Variants in BLTP3A observed in about 807,000 individuals in gnomAD.
BLTP3A encodes ICBP90 binding protein 1.
the BLTP3A span, among the ~76,000 whole-genome samples, chr6:34,799,825 A>G: frequency 4.6e-5 from 7 of 152,214 alleles, no homozygotes; most frequent in African/African-American, 1.2e-4. Flanking sequence ...AAAGTATTCC[A>G]TAAACAATAA....
At chr6:34,810,930 A>G in the BLTP3A span, among the ~76,000 whole-genome samples, 3 of 152,246 alleles carry the variant, frequency 2.0e-5, no homozygotes, top group Non-Finnish European at 4.4e-5. Context: ...ATAGACTAGT[A>G]TCTACATATA....
chr6:34,866,724 T>G, the BLTP3A span, among the ~76,000 whole-genome samples: 4 of 152,216 alleles, frequency 2.6e-5, no homozygotes, highest in Non-Finnish European at 5.9e-5. Flanking sequence ...CTGTACTCAT[T>G]AAACAGTAAC....
chr6:34,857,807 T>C, the BLTP3A span: 2 of 1,614,204 alleles, frequency 1.2e-6, no homozygotes, highest in Non-Finnish European at 1.7e-6. Flanking sequence ...AAACCTCTTT[T>C]GCCTGGATTT....
At chr6:34,846,565 G>A in the BLTP3A span, among the ~76,000 whole-genome samples, 2 of 152,040 alleles carry the variant, frequency 1.3e-5, no homozygotes, top group Admixed American at 1.3e-4. Flanking sequence ...TTTTCAGATT[G>A]TTTGCTGTTG....
At chr6:34,823,690 A>C in the BLTP3A span, among the ~76,000 whole-genome samples, 10 of 150,244 alleles carry the variant, frequency 6.7e-5, no homozygotes, top group Admixed American at 4.0e-4. Flanking sequence ...CCACAGGCGC[A>C]CATCACCATG....
the BLTP3A span, among the ~76,000 whole-genome samples, chr6:34,868,195 A>G: frequency 2.0e-5 from 3 of 151,944 alleles, no homozygotes; most frequent in Non-Finnish European, 4.4e-5. Context: ...AATCCCAGCT[A>G]CTTGGGAGGC....
the BLTP3A span, among the ~76,000 whole-genome samples, chr6:34,862,953 G>A: frequency 6.6e-6 from 1 of 151,806 alleles, no homozygotes; most frequent in Non-Finnish European, 1.5e-5. Context: ...CTGTCGCCCA[G>A]GCTGGAGTGC....
At chr6:34,811,279 T>G in the BLTP3A span, among the ~76,000 whole-genome samples, 1 of 152,170 alleles carries the variant, frequency 6.6e-6, no homozygotes, top group East Asian at 1.9e-4. Flanking sequence ...CAGGCTGATT[T>G]GAAAATCTAT....
the BLTP3A span, chr6:34,792,294 G>C: frequency 6.5e-7 from 1 of 1,542,340 alleles, no homozygotes; most frequent in Non-Finnish European, 8.7e-7. Context: ...CACCTGTCCC[G>C]GTGAGAGCGC....
At chr6:34,874,732 C>G in the BLTP3A span, 5 of 152,312 alleles carry the variant, frequency 3.3e-5, no homozygotes, top group East Asian at 9.6e-4. Flanking sequence ...CTGCTGTGGC[C>G]AAAAGCCTAA....
the BLTP3A span, chr6:34,857,079 G>T: frequency 8.5e-6 from 10 of 1,180,316 alleles, no homozygotes; most frequent in South Asian, 1.6e-4. Flanking sequence ...TCTGAGCATG[G>T]CTGGTGAGAT....
At chr6:34,838,251 CT>C in the BLTP3A span, among the ~76,000 whole-genome samples, 6 of 152,152 alleles carry the variant, frequency 3.9e-5, no homozygotes, top group South Asian at 1.2e-3. Flanking sequence ...TAAGTTGGTA[CT>C]TACATGGAAA....
the BLTP3A span, chr6:34,855,644 G>A: frequency 6.2e-7 from 1 of 1,613,798 alleles, no homozygotes; most frequent in African/African-American, 1.3e-5. Flanking sequence ...CTCATGGGTG[G>A]TGCCATGCAG....
chr6:34,812,316 G>A, the BLTP3A span, among the ~76,000 whole-genome samples: 277 of 133,024 alleles, frequency 2.1e-3, 1 homozygote, highest in African/African-American at 7.6e-3. Context: ...GCAACAGAGC[G>A]AAACTCCGTC....
the BLTP3A span, among the ~76,000 whole-genome samples, chr6:34,838,451 A>G: frequency 1.3e-5 from 2 of 152,118 alleles, no homozygotes; most frequent in Admixed American, 6.5e-5. Flanking sequence ...CATTAAGGGT[A>G]AGAAAGGTAG....
At chr6:34,815,645 G>T in the BLTP3A span, among the ~76,000 whole-genome samples, 1 of 151,816 alleles carries the variant, frequency 6.6e-6, no homozygotes, top group East Asian at 1.9e-4. Context: ...TTATTATTTT[G>T]TTATTTGTTT....
the BLTP3A span, chr6:34,835,508 T>C: frequency 6.3e-7 from 1 of 1,588,224 alleles, no homozygotes; most frequent in African/African-American, 1.4e-5. Context: ...AGGGACTCAG[T>C]AGGCCAGACC....
the BLTP3A span, among the ~76,000 whole-genome samples, chr6:34,810,518 G>C: frequency 3.3e-5 from 5 of 152,352 alleles, no homozygotes; most frequent in East Asian, 7.7e-4. Context: ...GGGTCTCGCT[G>C]TGTCACCCAG....
chr6:34,850,478 G>A, the BLTP3A span, among the ~76,000 whole-genome samples: 1 of 151,976 alleles, frequency 6.6e-6, no homozygotes, highest in African/African-American at 2.4e-5. Context: ...CCTCCTTAAG[G>A]CCAATAATTC....
Sources: allele counts gnomAD v4.1 joint callset (sites outside exome capture counted in the v4.1 genomes callset), GRCh38; gene constraint gnomAD v4.1.1; transcripts MANE v1.5; gene names NCBI Gene and HGNC (gene_info 2026-07-23, HGNC 2026-07-21).